The following ADAM29 variants were observed in gnomAD, a reference collection of about 807,000 sequenced individuals.
ADAM29 encodes disintegrin and metalloproteinase domain-containing protein 29.
For synonymous variants in ADAM29, 367 were observed against 342.3 expected, an observed-to-expected ratio of 1.07 and a Z score of -0.80; for missense variants, 969 against 1,001.8, an observed-to-expected ratio of 0.97 and a Z score of 0.44.
Position 174,977,077 on chromosome 4 carries a change from G to C in ADAM29, c.1552G>C (p.Glu518Gln), listed in dbSNP as rs753446213. Residue 518 changes from glutamate to glutamine, a missense_variant, in exon 5 of 5, where the codon GAG becomes CAG. By Grantham distance (29) the Glu-to-Gln change is conservative. Transcript: ENST00000359240. ...TGGTGCAGGCGCAAATACTGCAAGT[G>C]AGACTTGCTACAAAGAATTGAACAC... ...IFGAGANTAS[E>Q]TCYKELNTLG... 3 of 1,613,978 alleles carry C rather than the reference G, an allele frequency of 1.9e-6. No homozygotes were observed. In the African/African-American group the frequency reaches 4.0e-5, roughly 22 times the overall value.
chr4:174,972,329 C>A (rs1007524267), intron 4 of ADAM29, among the ~76,000 whole-genome samples: 1 of 152,156 alleles, frequency 6.6e-6, no homozygotes, highest in Non-Finnish European at 1.5e-5. Flanking sequence ...TAGGAGGAAA[C>A]CTCCACCAAC....
intron 4 of ADAM29, among the ~76,000 whole-genome samples, chr4:174,969,263 C>T (rs908623976): frequency 3.5e-4 from 53 of 150,848 alleles, no homozygotes; most frequent in African/African-American, 1.2e-3. Flanking sequence ...TCTTCATCAC[C>T]ATCATCATTG....
At chr4:174,959,216 A>G (rs891934535) in intron 4 of ADAM29, among the ~76,000 whole-genome samples, 1 of 151,722 alleles carries the variant, frequency 6.6e-6, no homozygotes, top group Non-Finnish European at 1.5e-5. Flanking sequence ...ATTTTTGAAG[A>G]ATGATTTTTG....
At chr4:174,936,305 A>G (rs988279124) in intron 3 of ADAM29, among the ~76,000 whole-genome samples, 3 of 152,058 alleles carry the variant, frequency 2.0e-5, no homozygotes, top group African/African-American at 7.2e-5. Context: ...TGTAGAACAA[A>G]GAAAAGTGCC....
At position 174,976,286 on chromosome 4, in the gene ADAM29, A is replaced by G; in HGVS notation, c.761A>G (p.Lys254Arg). ...LLFGLEIWTN[K>R]NLIVVDDVRK... is the part of the protein sequence containing the mutation. Reference sequence around the variant, plus strand: ...TTTGGTTTGGAGATCTGGACCAATAAAAACCTCATTGTAGTAGATGATGTA... The same window carrying G: ...TTTGGTTTGGAGATCTGGACCAATAGAAACCTCATTGTAGTAGATGATGTA... The change falls in exon 5 of 5, where the codon AAA becomes AGA. Residue 254 changes from lysine (K) to arginine (R), a missense_variant. Physicochemically the swap from Lys to Arg is conservative, Grantham distance 26 (BLOSUM62 2). Coordinates refer to ENST00000359240, the MANE Select transcript of ADAM29 (RefSeq NM_014269.4). The G allele has an allele frequency of 6.2e-7, 1 of 1,611,782 alleles. No individual in the cohort carries two copies. Among genetic ancestry groups the G allele is most frequent in the Non-Finnish European group, 8.5e-7 (1 of 1,179,330 alleles).
At chr4:174,920,917 A>G (rs1435880932) in intron 2 of ADAM29, 125 bp downstream of exon 2, 1 of 152,148 alleles carries the variant, frequency 6.6e-6, no homozygotes, top group East Asian at 1.9e-4. Flanking sequence ...ATCAAGGTGG[A>G]TATCAGTTCA....
At chr4:174,924,653 T>C (rs1015871961) in intron 2 of ADAM29, among the ~76,000 whole-genome samples, 10 of 151,994 alleles carry the variant, frequency 6.6e-5, no homozygotes, top group Non-Finnish European at 1.0e-4. Flanking sequence ...CATTAAGCAA[T>C]GAAAAGACAT....
intron 3 of ADAM29, among the ~76,000 whole-genome samples, chr4:174,935,924 T>C (rs1744174140): frequency 6.6e-6 from 1 of 152,080 alleles, no homozygotes; most frequent in Non-Finnish European, 1.5e-5. Context: ...ATGTTTGCAC[T>C]GGTAGAAACA....
chr4:174,962,494 A>G (rs1235154308), intron 4 of ADAM29, among the ~76,000 whole-genome samples: 1 of 150,280 alleles, frequency 6.7e-6, no homozygotes, highest in South Asian at 2.1e-4. Context: ...CCTGGGCGAC[A>G]GAGCGAGACT....
At chr4:174,949,379 C>T (rs937782719) in intron 4 of ADAM29, among the ~76,000 whole-genome samples, 1 of 152,154 alleles carries the variant, frequency 6.6e-6, no homozygotes, top group African/African-American at 2.4e-5. Flanking sequence ...AGAGCCCTGC[C>T]GTGTCATTTC....
intron 2 of ADAM29, among the ~76,000 whole-genome samples, chr4:174,929,577 A>G (rs1159235588): frequency 6.6e-6 from 1 of 152,078 alleles, no homozygotes; most frequent in Admixed American, 6.5e-5. Flanking sequence ...AGGAGGGGCT[A>G]AGCTCCTCCC....
chr4:174,976,769 C>T lies in ADAM29; in HGVS notation c.1244C>T (p.Pro415Leu). Residue 415 changes from proline (P) to leucine (L), a missense_variant, in exon 5 of 5, where the codon CCT becomes CTT. Coordinates refer to ENST00000359240, the MANE Select transcript of ADAM29 (RefSeq NM_014269.4). ...GAAGGAGAAGAGTGTGACTGTGGAC[C>T]TTTAAAGCATTGTGCAAAAGATCCC... ...VEEGEECDCG[P>L]LKHCAKDPCC... 1 of 1,613,998 alleles carries T rather than the reference C, an allele frequency of 6.2e-7. No individual in the cohort carries two copies. Among genetic ancestry groups the T allele is most frequent in the South Asian group, 1.1e-5 (1 of 91,066 alleles).
intron 4 of ADAM29, among the ~76,000 whole-genome samples, chr4:174,974,747 A>C (rs35270937): frequency 0.19 from 28,454 of 152,240 alleles, 3,254 homozygotes; most frequent in East Asian, 0.32. Context: ...GATGCAAATG[A>C]TGCTCTTGAG....
In ADAM29 at chr4:174,970,685, T is replaced by C. The variant is rs938679259; in HGVS notation, c.-180-4661T>C. On this transcript the variant is annotated intron_variant, in intron 4 of 4. Coordinates refer to ENST00000359240, the MANE Select transcript of ADAM29 (RefSeq NM_014269.4). The stretch of plus-strand genomic sequence containing the variant: ...TTGTGGTAATTTTTTACAGCAGCCA[T>C]AGGAAACTAATAGAAAAGCTAAAAG... Among the ~76,000 whole-genome samples, 24 of 152,218 alleles carry C rather than the reference T, an allele frequency of 1.6e-4. 1 individual carries two copies. The highest frequency in any genetic ancestry group is 5.1e-4 in the African/African-American group (21 of 41,572).
chr4:174,959,687 T>A (rs964861556), intron 4 of ADAM29, among the ~76,000 whole-genome samples: 4 of 151,944 alleles, frequency 2.6e-5, no homozygotes, highest in Non-Finnish European at 5.9e-5. Context: ...AAAATCTTTT[T>A]TCTTCTCTTT....
chr4:174,942,832 G>A (rs893513079), intron 4 of ADAM29, among the ~76,000 whole-genome samples: 1 of 152,100 alleles, frequency 6.6e-6, no homozygotes. Flanking sequence ...CTACCAAATG[G>A]TCAGGCTGCA....
intron 4 of ADAM29, among the ~76,000 whole-genome samples, chr4:174,971,762 T>A (rs1746492448): frequency 6.6e-6 from 1 of 152,172 alleles, no homozygotes; most frequent in African/African-American, 2.4e-5. Flanking sequence ...TTGGGAAGTG[T>A]TCAGCCATTA....
chr4:174,969,576 A>G (rs1746354127), intron 4 of ADAM29, among the ~76,000 whole-genome samples: 1 of 151,990 alleles, frequency 6.6e-6, no homozygotes, highest in Admixed American at 6.6e-5. Context: ...AACTATATAA[A>G]ATAAATGAAT....
In ADAM29 at chr4:174,936,124, A is replaced by G. The variant is rs139251399; in HGVS notation, c.-261-809A>G. The stretch of plus-strand genomic sequence containing the variant: ...TAAATAATGGCATTGTAGACCTTCA[A>G]TAACAGCAATTCAGTCTCTTTCATT... On this transcript the variant is annotated intron_variant, in intron 3 of 4. Coordinates refer to ENST00000359240, the MANE Select transcript of ADAM29 (RefSeq NM_014269.4). 3.7e-3 allele frequency among the ~76,000 whole-genome samples: 566 copies of G among 152,208 alleles called. 2 individuals carry two copies. Among genetic ancestry groups the G allele is most frequent in the Non-Finnish European group, 6.0e-3 (408 of 67,924 alleles).
Sources: allele counts gnomAD v4.1 joint callset (sites outside exome capture counted in the v4.1 genomes callset), GRCh38; gene constraint gnomAD v4.1.1; transcripts MANE v1.5; gene names NCBI Gene and HGNC (gene_info 2026-07-23, HGNC 2026-07-21).